The following UGT1A6 variants were observed in gnomAD, a reference collection of about 807,000 sequenced individuals.
The protein encoded by UGT1A6 is UDP glucuronosyltransferase family 1 member A6.
A neutral mutation model predicts 44.4 loss-of-function variants in UGT1A6; 32 were observed. The observed-to-expected ratio is 0.72, with a 90% CI of 0.54 to 0.97. The LOEUF (loss-of-function observed/expected upper bound fraction) is 0.97, where lower values mean the gene tolerates loss of function less well. UGT1A6 is among the 50% of genes least tolerant of loss of function. UGT1A6 has a pLI of 0.00. For missense variants in UGT1A6, 685 were observed against 661.9 expected (o/e 1.03, Z -0.38); for synonymous variants, 238 against 248.5 (o/e 0.96, Z 0.40).
chr2:233,755,915 AGTGGC>A (rs1696065119), intron 1 of UGT1A6: 1 of 150,558 alleles, frequency 6.6e-6, no homozygotes, highest in Non-Finnish European at 1.5e-5. Flanking sequence ...TAGTGAGAAG[AGTGGC>A]ATCGTTTTAC....
chr2:233,730,694 C>T (rs1315714978), intron 1 of UGT1A6, among the ~76,000 whole-genome samples: 1 of 152,058 alleles, frequency 6.6e-6, no homozygotes, highest in Non-Finnish European at 1.5e-5. Context: ...TCAAATGATT[C>T]TTCTACTTGG....
intron 1 of UGT1A6, among the ~76,000 whole-genome samples, chr2:233,695,477 T>C (rs1393026251): frequency 6.6e-6 from 1 of 151,978 alleles, no homozygotes; most frequent in African/African-American, 2.4e-5. Context: ...CTTTAGATGT[T>C]TTTCTCTTTT....
At chr2:233,712,962 G>A (rs1424836209) in intron 1 of UGT1A6, 3 of 1,612,762 alleles carry the variant, frequency 1.9e-6, no homozygotes, top group African/African-American at 2.7e-5. Flanking sequence ...ACGTGGGGTG[G>A]ACAGTCAGCT....
chr2:233,772,509 T>C lies in UGT1A6; in HGVS notation c.1549T>C (p.Leu517=). 1.9e-6 allele frequency: 3 copies of C among 1,614,170 alleles called. No individual in the cohort carries two copies. Among genetic ancestry groups the C allele is most frequent in the Middle Eastern group, 1.6e-4 (1 of 6,062 alleles). ...TTGTGCTTATGGCTACCGGAAATGC[T>C]TGGGGAAAAAAGGGCGAGTTAAGAA... The part of the protein sequence containing the change: ...KCCAYGYRKC[L]GKKGRVKKAH... Residue 517 remains leucine, a synonymous_variant, in exon 5 of 5, where the codon TTG becomes CTG. Transcript: ENST00000305139.
At chr2:233,714,782 C>T (rs1312718757) in intron 1 of UGT1A6, among the ~76,000 whole-genome samples, 1 of 152,114 alleles carries the variant, frequency 6.6e-6, no homozygotes, top group Non-Finnish European at 1.5e-5. Flanking sequence ...TTGGAATAGC[C>T]ACATTTCAAG....
chr2:233,748,886 T>C (rs559177980), intron 1 of UGT1A6, among the ~76,000 whole-genome samples: 20 of 151,542 alleles, frequency 1.3e-4, no homozygotes, highest in Non-Finnish European at 2.8e-4. Flanking sequence ...TGAATGGACA[T>C]GTGTCCAAGA....
chr2:233,709,268 G>A (rs188103798), intron 1 of UGT1A6, among the ~76,000 whole-genome samples: 212 of 152,234 alleles, frequency 1.4e-3, no homozygotes, highest in Middle Eastern at 0.01. Flanking sequence ...ACTTGTCCAC[G>A]CTGTGAATTA....
chr2:233,718,746 T>C (rs2076680483), intron 1 of UGT1A6: 1 of 1,612,108 alleles, frequency 6.2e-7, no homozygotes, highest in Admixed American at 1.7e-5. Flanking sequence ...AATGACAAGG[T>C]AATTAAGGCG....
intron 1 of UGT1A6, among the ~76,000 whole-genome samples, chr2:233,732,038 A>G (rs541263635): frequency 3.5e-4 from 54 of 152,356 alleles, no homozygotes; most frequent in African/African-American, 1.2e-3. Context: ...ATGACCAGTG[A>G]TGATGAGCAT....
chr2:233,695,224 C>T (rs1201439974), intron 1 of UGT1A6, among the ~76,000 whole-genome samples: 1 of 151,202 alleles, frequency 6.6e-6, no homozygotes, highest in East Asian at 2.0e-4. Context: ...CTCCTGGGTT[C>T]AAGCGATTCT....
intron 1 of UGT1A6, among the ~76,000 whole-genome samples, chr2:233,757,818 T>C (rs527929450): frequency 1.3e-5 from 2 of 151,564 alleles, no homozygotes; most frequent in East Asian, 3.9e-4. Flanking sequence ...GAGCTGGTAG[T>C]GTGTCTGATG....
rs1319041279 is a variant in UGT1A6 at position 233,750,932 on chromosome 2, G to C, written c.862-16102G>C. Among the ~76,000 whole-genome samples the C allele has an allele frequency of 2.6e-5, 4 of 151,980 alleles. No homozygotes were observed. The East Asian group carries it at 7.7e-4, about 29-fold the overall frequency. ...AAGGGTGGTAAAGAAATGTGAGGTT[G>C]GAGCCCCCACACAGAGTCTCCACTG... On this transcript the variant is annotated intron_variant, in intron 1 of 4. Coordinates refer to ENST00000305139, the MANE Select transcript of UGT1A6 (RefSeq NM_001072.4).
Position 233,772,346 on chromosome 2 carries a change from G to C in UGT1A6, c.1386G>C (p.Glu462Asp), listed in dbSNP as rs115944950. ...TGGACCTGGCCGTGTTCTGGGTGGA[G>C]TTTGTGATGAGGCACAAGGGCGCGC... ...EPLDLAVFWVEFVMRHKGAPH... is the reference protein window; with the variant it reads ...EPLDLAVFWVDFVMRHKGAPH... Residue 462 changes from glutamate (E) to aspartate (D), a missense_variant, in exon 5 of 5, where the codon GAG (glutamate) becomes GAC (aspartate). Coordinates refer to ENST00000305139, the MANE Select transcript of UGT1A6 (RefSeq NM_001072.4). 30 of 1,614,132 alleles carry C rather than the reference G, an allele frequency of 1.9e-5. No individual in the cohort carries two copies. In the East Asian group the frequency reaches 6.5e-4, roughly 35 times the overall value.
chr2:233,751,629 C>A (rs1156397424), intron 1 of UGT1A6, among the ~76,000 whole-genome samples: 1 of 152,162 alleles, frequency 6.6e-6, no homozygotes, highest in African/African-American at 2.4e-5. Context: ...ATCATGTGTG[C>A]AGTTTCCCCC....
intron 1 of UGT1A6, chr2:233,729,425 A>G (rs1461557828): frequency 6.2e-7 from 1 of 1,613,834 alleles, no homozygotes. Flanking sequence ...ACTCAACTGT[A>G]CTTTGAAACA....
Position 233,760,811 on chromosome 2 carries a change from T to A in UGT1A6, c.862-6223T>A, listed in dbSNP as rs72551341. The A allele has an allele frequency of 6.5e-5, 105 of 1,613,198 alleles. No individual in the cohort carries two copies. Among genetic ancestry groups the A allele is most frequent in the Non-Finnish European group, 7.5e-5 (89 of 1,179,336 alleles). The stretch of plus-strand genomic sequence containing the variant: ...CCCACTGTATTCTTCTTGCATGCAC[T>A]GCCATGCAGCCTGGAATTTGAGGCT... On this transcript the variant is annotated intron_variant, in intron 1 of 4. Coordinates refer to ENST00000305139, the MANE Select transcript of UGT1A6 (RefSeq NM_001072.4).
At chr2:233,766,592 C>T (rs1699195975) in intron 1 of UGT1A6, among the ~76,000 whole-genome samples, 1 of 152,146 alleles carries the variant, frequency 6.6e-6, no homozygotes, top group Admixed American at 6.5e-5. Flanking sequence ...GGAGCCCTCG[C>T]CAGGGACCAC....
intron 1 of UGT1A6, among the ~76,000 whole-genome samples, chr2:233,746,331 A>C (rs1482608381): frequency 6.6e-6 from 1 of 151,784 alleles, no homozygotes; most frequent in Admixed American, 6.5e-5. Flanking sequence ...TCTACAGGGC[A>C]ATGGACATGT....
intron 1 of UGT1A6, among the ~76,000 whole-genome samples, chr2:233,711,176 T>C (rs1233796559): frequency 1.3e-5 from 2 of 152,192 alleles, no homozygotes; most frequent in East Asian, 3.9e-4. Context: ...ACCAGGAATA[T>C]GAGCTACTCC....
Sources: gnomAD v4.1 joint callset for allele counts (sites outside exome capture counted in the v4.1 genomes callset) on GRCh38, gnomAD v4.1.1 for gene constraint, MANE v1.5 for transcripts, NCBI Gene and HGNC (gene_info 2026-07-23, HGNC 2026-07-21) for gene names.